The following DLGAP1 variants were observed in gnomAD, a reference collection of about 807,000 sequenced individuals.
The protein encoded by DLGAP1 is disks large-associated protein 1.
In DLGAP1, 11 loss-of-function variants were observed where a neutral mutation model predicts 90.8. That is an observed-to-expected ratio of 0.12 (90% CI 0.08 to 0.20). DLGAP1 has a LOEUF of 0.20. Among genes scored for constraint, DLGAP1 ranks in the 10% least tolerant of loss-of-function variants. The pLI is 1.00. For synonymous variants in DLGAP1, 558 were observed against 540.7 expected (o/e 1.03, Z -0.44); for missense variants, 1,050 against 1,333.8 (o/e 0.79, Z 3.31).
intron 1 of DLGAP1, among the ~76,000 whole-genome samples, chr18:4,357,112 T>C (rs1191650808): frequency 7.2e-6 from 1 of 138,498 alleles, no homozygotes; most frequent in Non-Finnish European, 1.6e-5. Flanking sequence ...TGTGTGTGTG[T>C]ACGATATACC....
chr18:3,950,809 T>C (rs796429161), intron 3 of DLGAP1, among the ~76,000 whole-genome samples: 7 of 152,332 alleles, frequency 4.6e-5, no homozygotes, highest in African/African-American at 1.7e-4. Flanking sequence ...CTGTTTTTTA[T>C]TGTGTATTCT....
At chr18:4,170,452 A>T (rs2077003953) in intron 1 of DLGAP1, among the ~76,000 whole-genome samples, 1 of 152,154 alleles carries the variant, frequency 6.6e-6, no homozygotes, top group Non-Finnish European at 1.5e-5. Context: ...AAGACAGGTG[A>T]GAATGGGGAG....
At chr18:3,744,673 G>C (rs1250374542) in intron 5 of DLGAP1, among the ~76,000 whole-genome samples, 2 of 152,108 alleles carry the variant, frequency 1.3e-5, no homozygotes, top group Non-Finnish European at 1.5e-5. Context: ...AGCCTCCCGA[G>C]TAGCCGGAAT....
chr18:3,666,741 A>T (rs1111431), intron 7 of DLGAP1, among the ~76,000 whole-genome samples: 1 of 151,986 alleles, frequency 6.6e-6, no homozygotes, highest in African/African-American at 2.4e-5. Context: ...CAATTTAAAA[A>T]GTTTTTTTTT....
At chr18:4,009,493 G>T (rs991706631) in intron 2 of DLGAP1, among the ~76,000 whole-genome samples, 1 of 152,130 alleles carries the variant, frequency 6.6e-6, no homozygotes, top group South Asian at 2.1e-4. Flanking sequence ...TGCTGAATGT[G>T]CCTGGTACTC....
chr18:4,305,360 C>T (rs2080224808), intron 1 of DLGAP1, among the ~76,000 whole-genome samples: 1 of 151,832 alleles, frequency 6.6e-6, no homozygotes, highest in African/African-American at 2.4e-5. Context: ...CGTGGTGAAA[C>T]CCTGTCTCTA....
chr18:3,734,247 C>G (rs1231423919), intron 6 of DLGAP1, among the ~76,000 whole-genome samples: 3 of 151,928 alleles, frequency 2.0e-5, no homozygotes, highest in Non-Finnish European at 2.9e-5. Context: ...TTCTCTCTCT[C>G]TCTTTCTCTC....
chr18:3,544,317 G>T (rs766135867), intron 9 of DLGAP1, among the ~76,000 whole-genome samples: 9 of 152,184 alleles, frequency 5.9e-5, no homozygotes, highest in Non-Finnish European at 1.3e-4. Context: ...GAATCCGGGA[G>T]GTGGAGGTTG....
At chr18:4,124,997 G>A (rs1182080223) in intron 2 of DLGAP1, among the ~76,000 whole-genome samples, 2 of 152,192 alleles carry the variant, frequency 1.3e-5, no homozygotes, top group Admixed American at 6.5e-5. Flanking sequence ...GTCCAGGTTG[G>A]TGGGCAAATG....
chr18:4,268,158 C>A (rs966367288), intron 1 of DLGAP1, among the ~76,000 whole-genome samples: 9 of 152,106 alleles, frequency 5.9e-5, no homozygotes, highest in Admixed American at 5.2e-4. Flanking sequence ...AACTGTTAGA[C>A]CAGCTCTTCT....
intron 2 of DLGAP1, among the ~76,000 whole-genome samples, chr18:4,020,352 A>T (rs973009207): frequency 3.3e-5 from 5 of 152,196 alleles, no homozygotes; most frequent in Non-Finnish European, 5.9e-5. Flanking sequence ...CCCAAGGTTT[A>T]GCTACATGAA....
chr18:4,415,692 A>G (rs2082884247), intron 1 of DLGAP1, among the ~76,000 whole-genome samples: 1 of 152,176 alleles, frequency 6.6e-6, no homozygotes, highest in African/African-American at 2.4e-5. Flanking sequence ...TGGCTCTGTC[A>G]CTTACTAGCT....
chr18:3,747,522 G>C (rs758112675), intron 5 of DLGAP1, among the ~76,000 whole-genome samples: 6 of 152,180 alleles, frequency 3.9e-5, no homozygotes, highest in Non-Finnish European at 8.8e-5. Flanking sequence ...ACCTGACCCA[G>C]AGCAATGATA....
chr18:4,060,413 T>C (rs1362639258), intron 2 of DLGAP1, among the ~76,000 whole-genome samples: 1 of 152,184 alleles, frequency 6.6e-6, no homozygotes, highest in East Asian at 1.9e-4. Context: ...TTTACCAACC[T>C]CTGAATTCAT....
chr18:3,923,870 G>A (rs1385344845), intron 3 of DLGAP1, among the ~76,000 whole-genome samples: 2 of 152,164 alleles, frequency 1.3e-5, no homozygotes, highest in Admixed American at 6.5e-5. Context: ...CATCAAAGTC[G>A]TGGCATCTAA....
At chr18:3,843,903 A>G (rs989434743) in intron 4 of DLGAP1, among the ~76,000 whole-genome samples, 7 of 152,036 alleles carry the variant, frequency 4.6e-5, no homozygotes, top group Admixed American at 4.6e-4. Flanking sequence ...ACCATCGACG[A>G]TATTTTGGGT....
At chr18:3,956,591 A>G (rs1349034785) in intron 3 of DLGAP1, among the ~76,000 whole-genome samples, 2 of 151,532 alleles carry the variant, frequency 1.3e-5, no homozygotes, top group African/African-American at 4.9e-5. Flanking sequence ...CTCGTGATCC[A>G]CCCGCCTTGG....
At chr18:3,572,423 C>T (rs2054861101) in intron 8 of DLGAP1, among the ~76,000 whole-genome samples, 1 of 136,028 alleles carries the variant, frequency 7.4e-6, no homozygotes, top group South Asian at 2.5e-4. Flanking sequence ...AGATTGGTTT[C>T]TTTTATTTAT....
intron 1 of DLGAP1, among the ~76,000 whole-genome samples, chr18:4,387,736 G>T (rs1391474471): frequency 6.6e-6 from 1 of 152,124 alleles, no homozygotes; most frequent in Middle Eastern, 3.2e-3. Flanking sequence ...TTCGGGACTA[G>T]CCTGGCCAGC....
Sources: allele counts gnomAD v4.1 joint callset (sites outside exome capture counted in the v4.1 genomes callset), GRCh38; gene constraint gnomAD v4.1.1; transcripts MANE v1.5; gene names NCBI Gene and HGNC (gene_info 2026-07-23, HGNC 2026-07-21).